The following ZHX2 variants were observed in gnomAD, a reference collection of about 807,000 sequenced individuals.
The protein encoded by ZHX2 is zinc fingers and homeoboxes 2, also known as zinc fingers and homeoboxes protein 2.
Under a neutral mutation model 21.9 loss-of-function variants are expected in ZHX2, and 6 were observed. The observed-to-expected ratio is 0.27, with a 90% CI of 0.15 to 0.54. The LOEUF (loss-of-function observed/expected upper bound fraction) is 0.54, where lower values mean the gene tolerates loss of function less well. Ranked by LOEUF, ZHX2 falls within the 20% of genes least tolerant of loss-of-function variation. ZHX2 has a pLI of 0.95. For synonymous variants in ZHX2, 434 were observed against 437.1 expected, an observed-to-expected ratio of 0.99 and a Z score of 0.09; for missense variants, 908 against 1,090.7, an observed-to-expected ratio of 0.83 and a Z score of 2.36.
chr8:122,821,172 C>T (rs915188735), intron 1 of ZHX2, among the ~76,000 whole-genome samples: 5 of 152,168 alleles, frequency 3.3e-5, no homozygotes, highest in African/African-American at 1.2e-4. Context: ...TCTGCAGGGA[C>T]CAGGAGTCCC....
At chr8:122,894,562 T>C (rs55714475) in intron 2 of ZHX2, among the ~76,000 whole-genome samples, 7,450 of 152,142 alleles carry the variant, frequency 0.049, 604 homozygotes, top group African/African-American at 0.17. Context: ...AACCAAACAC[T>C]GCATGTTCTC....
intron 2 of ZHX2, among the ~76,000 whole-genome samples, chr8:122,902,004 C>A (rs1193191706): frequency 6.6e-6 from 1 of 151,718 alleles, no homozygotes; most frequent in African/African-American, 2.4e-5. Context: ...TTCAGAAGCC[C>A]CAGTCCTATG....
chr8:122,962,547 A>G (rs1813483061), intron 3 of ZHX2, among the ~76,000 whole-genome samples: 2 of 152,224 alleles, frequency 1.3e-5, no homozygotes, highest in South Asian at 4.2e-4. Flanking sequence ...TAGGCTCGTT[A>G]CATATTTTTG....
At chr8:122,960,515 G>A (rs1458227498) in intron 3 of ZHX2, among the ~76,000 whole-genome samples, 1 of 152,056 alleles carries the variant, frequency 6.6e-6, no homozygotes, top group Non-Finnish European at 1.5e-5. Context: ...TCCAACTTGG[G>A]GCACAGAGCA....
chr8:122,965,951 T>A (rs1184473214), intron 3 of ZHX2, among the ~76,000 whole-genome samples: 3 of 152,234 alleles, frequency 2.0e-5, no homozygotes. Context: ...CTGTTTTGTC[T>A]GCTATAAGAA....
intron 2 of ZHX2, among the ~76,000 whole-genome samples, chr8:122,871,181 A>G (rs1819425839): frequency 1.3e-5 from 2 of 152,158 alleles, no homozygotes; most frequent in Non-Finnish European, 2.9e-5. Context: ...TTATCTGCAT[A>G]ATGAGGATTG....
intron 2 of ZHX2, among the ~76,000 whole-genome samples, chr8:122,947,602 T>G (rs1340701930): frequency 6.6e-6 from 1 of 152,022 alleles, no homozygotes; most frequent in Non-Finnish European, 1.5e-5. Flanking sequence ...TGTTGAAGAG[T>G]GCTGTGCAGA....
rs1456793428 is a variant in ZHX2 at position 122,844,969 on chromosome 8, G to A, written c.-282-18508G>A. Among the ~76,000 whole-genome samples the A allele has an allele frequency of 3.3e-5, 5 of 151,230 alleles. No homozygotes were observed. The South Asian group carries it at 6.3e-4, about 19-fold the overall frequency. ...TGTGGGGCTTGGTGGCCTTACAGTT[G>A]CCTAATACCCCCTGCCCAACCGTAT... is the stretch of plus-strand genomic sequence containing the variant. On this transcript the variant is annotated intron_variant, in intron 1 of 3. Transcript: ENST00000314393.
intron 3 of ZHX2, among the ~76,000 whole-genome samples, chr8:122,972,189 G>A (rs1342924090): frequency 6.6e-6 from 1 of 152,140 alleles, no homozygotes; most frequent in Non-Finnish European, 1.5e-5. Context: ...TTGGATTAGA[G>A]TCCACCCTGA....
intron 1 of ZHX2, among the ~76,000 whole-genome samples, chr8:122,817,969 A>G (rs13248893): frequency 0.88 from 134,256 of 152,218 alleles, 59,335 homozygotes; most frequent in Middle Eastern, 0.96. Context: ...CAGATTGCTC[A>G]GCCCTCAGTG....
At position 122,951,815 on chromosome 8, in the gene ZHX2, C is replaced by T; in HGVS notation, c.305C>T (p.Pro102Leu). 2 of 1,614,078 alleles carry T rather than the reference C, an allele frequency of 1.2e-6. No individual in the cohort carries two copies. The highest frequency in any genetic ancestry group is 1.7e-6 in the Non-Finnish European group (2 of 1,180,038). ...EFTEHVDMQH[P>L]NVILNPLYVC... Reference sequence around the variant, plus strand: ...ACGGAGCATGTCGACATGCAGCATCCCAACGTGATTCTCAACCCCCTCTAC... The same window carrying T: ...ACGGAGCATGTCGACATGCAGCATCTCAACGTGATTCTCAACCCCCTCTAC... Residue 102 changes from proline (P) to leucine (L), a missense_variant, in exon 3 of 4, where the codon CCC becomes CTC. Transcript: ENST00000314393.
At chr8:122,830,572 G>A (rs1046057182) in intron 1 of ZHX2, among the ~76,000 whole-genome samples, 2 of 152,182 alleles carry the variant, frequency 1.3e-5, no homozygotes, top group Non-Finnish European at 2.9e-5. Flanking sequence ...TGAGAGATGG[G>A]TTGGTATTCA....
intron 1 of ZHX2, among the ~76,000 whole-genome samples, chr8:122,827,771 C>A (rs1285652055): frequency 2.0e-5 from 3 of 152,188 alleles, no homozygotes; most frequent in Non-Finnish European, 4.4e-5. Context: ...AGTGAAAAAA[C>A]CACAATTACA....
At chr8:122,842,730 C>T (rs549933281) in intron 1 of ZHX2, among the ~76,000 whole-genome samples, 81 of 152,140 alleles carry the variant, frequency 5.3e-4, no homozygotes, top group Non-Finnish European at 9.4e-4. Context: ...AGCTGTCTCC[C>T]GGGGTTCACC....
chr8:122,953,898 G>GACGGTCGGGGAGGAGGAT lies in ZHX2; in HGVS notation c.2389_2406dup (p.Thr797_Asp802dup), dbSNP rs768937893. On this transcript the variant is annotated inframe_insertion, in exon 3 of 4. Transcript: ENST00000314393. The surrounding 1 kb of genome is among the most constrained non-coding windows in gnomAD (Gnocchi z 4.6). ...CGAGCGTTGTGGATTACGTGGAGGT[G>GACGGTCGGGGAGGAGGAT]ACGGTCGGGGAGGAGGATGCGATCT... 8 of 1,614,200 alleles carry GACGGTCGGGGAGGAGGAT rather than the reference G, an allele frequency of 5.0e-6. No homozygotes were observed. Among genetic ancestry groups the GACGGTCGGGGAGGAGGAT allele is most frequent in the Non-Finnish European group, 8.5e-7 (1 of 1,180,024 alleles).
rs777512229 is a variant in ZHX2, at chr8:122,952,107, G to A, written c.597G>A (p.Val199=). The A allele has an allele frequency of 2.5e-5, 40 of 1,613,468 alleles. No individual in the cohort carries two copies. Among genetic ancestry groups the A allele is most frequent in the Non-Finnish European group, 3.2e-5 (38 of 1,179,958 alleles). Residue 199 remains valine, a synonymous_variant, in exon 3 of 4, where the codon GTG becomes GTA. Transcript: ENST00000314393. This position sits in a 1 kb window ranked among gnomAD's most constrained non-coding sequence, Gnocchi z 6.9. ...PGKPKADAKK[V]PKKPEEITPE... is the part of the protein sequence containing the mutation. ...AACCAAAAGCGGATGCCAAGAAGGTGCCCAAGAAGCCCGAGGAGATCACCC... is the reference window on the plus strand; with the variant it reads ...AACCAAAAGCGGATGCCAAGAAGGTACCCAAGAAGCCCGAGGAGATCACCC...
At chr8:122,879,419 A>T (rs60072791) in intron 2 of ZHX2, among the ~76,000 whole-genome samples, 28,835 of 151,416 alleles carry the variant, frequency 0.19, 6,208 homozygotes, top group African/African-American at 0.53. Context: ...GTTGGCCAGG[A>T]TGGTCTCAAT....
At chr8:122,930,431 A>G (rs971802133) in intron 2 of ZHX2, among the ~76,000 whole-genome samples, 3 of 152,182 alleles carry the variant, frequency 2.0e-5, no homozygotes, top group Non-Finnish European at 2.9e-5. Flanking sequence ...ATTAAAAATC[A>G]TGCCTTTTTA....
At chr8:122,878,376 C>A (rs1819618958) in intron 2 of ZHX2, among the ~76,000 whole-genome samples, 1 of 152,168 alleles carries the variant, frequency 6.6e-6, no homozygotes, top group South Asian at 2.1e-4. Context: ...TGCTCACATA[C>A]CTAGGTCAGT....
Sources: allele counts gnomAD v4.1 joint callset (sites outside exome capture counted in the v4.1 genomes callset), GRCh38; gene constraint gnomAD v4.1.1; non-coding constraint Gnocchi (gnomAD v3.1); transcripts MANE v1.5; gene names NCBI Gene and HGNC (gene_info 2026-07-23, HGNC 2026-07-21).